Variants in DNAJC2 observed in about 807,000 individuals in gnomAD.
DNAJC2 encodes the protein dnaJ homolog subfamily C member 2.
Under a neutral mutation model 94.0 loss-of-function variants are expected in DNAJC2, and 32 were observed. That is an observed-to-expected ratio of 0.34 (90% CI 0.26 to 0.46). The LOEUF (loss-of-function observed/expected upper bound fraction) is 0.46, where lower values mean the gene tolerates loss of function less well. DNAJC2 is among the 20% of genes least tolerant of loss of function. The pLI, the probability that DNAJC2 is intolerant of heterozygous loss-of-function variation, is 1.00. For missense variants in DNAJC2, 550 were observed against 719.5 expected (o/e 0.76, Z 2.69); for synonymous variants, 210 against 229.7 (o/e 0.91, Z 0.77).
chr7:103,339,946 C>T (rs1392126176), intron 2 of DNAJC2, among the ~76,000 whole-genome samples: 2 of 152,186 alleles, frequency 1.3e-5, no homozygotes, highest in Non-Finnish European at 1.5e-5. Context: ...TGAAGTGATT[C>T]TCCTGCCTCA....
chr7:103,317,203 T>G (rs1227156902), intron 12 of DNAJC2, 189 bp from the exon 13 acceptor site: 1 of 563,012 alleles, frequency 1.8e-6, no homozygotes, highest in African/African-American at 1.9e-5. Flanking sequence ...TAGGTCTGCC[T>G]GAGGGACCAA....
chr7:103,324,733 A>G, intron 5 of DNAJC2, 171 bp from the exon 6 acceptor site: 2 of 566,444 alleles, frequency 3.5e-6, no homozygotes, highest in Non-Finnish European at 5.4e-6. Flanking sequence ...GGGGCATGAA[A>G]CAATGCAGGT....
chr7:103,313,316 CTT>C, intron 15 of DNAJC2: 6 of 1,301,724 alleles, frequency 4.6e-6, no homozygotes, highest in Non-Finnish European at 5.8e-6. Context: ...ATCTCAAAGG[CTT>C]TTAAAACACA....
intron 3 of DNAJC2, among the ~76,000 whole-genome samples, chr7:103,330,676 T>A (rs1318695563): frequency 6.7e-6 from 1 of 149,436 alleles, no homozygotes; most frequent in Non-Finnish European, 1.5e-5. Context: ...GGTCTCGAAC[T>A]CCTGACCTCG....
chr7:103,344,431 C>G, intron 1 of DNAJC2, 128 bp downstream of exon 1: 1 of 1,030,610 alleles, frequency 9.7e-7, no homozygotes, highest in Non-Finnish European at 1.5e-6. Context: ...AGGCACTCGT[C>G]ACGGCCCCAT....
chr7:103,339,908 G>A (rs182292024), intron 2 of DNAJC2, among the ~76,000 whole-genome samples: 11 of 152,144 alleles, frequency 7.2e-5, no homozygotes, highest in Admixed American at 3.9e-4. Context: ...GTATGATCTC[G>A]GCTCACAGCA....
At position 103,323,482 on chromosome 7, in the gene DNAJC2, A is replaced by T. The variant is rs1818532507; in HGVS notation, c.719+116T>A. 18 of 1,100,872 alleles carry T rather than the reference A, an allele frequency of 1.6e-5. 1 individual carries two copies. Among genetic ancestry groups the T allele is most frequent in the Non-Finnish European group, 1.7e-5 (14 of 814,240 alleles). 68.2% of individuals were successfully genotyped at this position (1,100,872 alleles called of 1,614,324 possible). A position where few individuals can be genotyped will look rare whatever the true frequency, so the allele number is the denominator to read the frequency against. The stretch of plus-strand genomic sequence containing the variant: ...ATTTCAAAATATTAAAAAATTGTTT[A>T]AAAAAGATGTACAAAGAGAAAATAT... On this transcript the variant is annotated intron_variant, in intron 7 of 16. Coordinates refer to ENST00000379263, the MANE Select transcript of DNAJC2 (RefSeq NM_014377.3).
At chr7:103,330,127 A>G (rs1248798041) in intron 3 of DNAJC2, among the ~76,000 whole-genome samples, 1 of 152,200 alleles carries the variant, frequency 6.6e-6, no homozygotes, top group Non-Finnish European at 1.5e-5. Context: ...ACTGTATTCT[A>G]TGTGCTTTCA....
chr7:103,334,598 GA>G (rs943204804), intron 3 of DNAJC2, among the ~76,000 whole-genome samples: 2 of 148,562 alleles, frequency 1.3e-5, no homozygotes, highest in African/African-American at 5.0e-5. Flanking sequence ...AAGAAATCTT[GA>G]AAAAAAATTT....
Position 103,331,316 on chromosome 7 carries a change from T to C in DNAJC2, c.332-3562A>G, listed in dbSNP as rs114331549. ...CCACGTAATGATCAAGTCAGGGTATTTGGGTATCTATCAACTTGAGTGTTT... is the reference window on the plus strand; with the variant it reads ...CCACGTAATGATCAAGTCAGGGTATCTGGGTATCTATCAACTTGAGTGTTT... On this transcript the variant is annotated intron_variant, in intron 3 of 16. Coordinates refer to ENST00000379263, the MANE Select transcript of DNAJC2 (RefSeq NM_014377.3). 7.5e-3 allele frequency among the ~76,000 whole-genome samples: 1,145 copies of C among 152,340 alleles called. 20 individuals are homozygous for C. Among genetic ancestry groups the C allele is most frequent in the African/African-American group, 0.027 (1,107 of 41,562 alleles).
intron 10 of DNAJC2, 142 bp downstream of exon 10, chr7:103,321,790 G>T: frequency 1.1e-6 from 1 of 873,970 alleles, no homozygotes. Context: ...GGAAATTGCG[G>T]TGAACTGAGA....
chr7:103,344,554 C>T lies in DNAJC2; in HGVS notation c.64+5G>A. 6.2e-7 allele frequency: 1 copy of T among 1,613,774 alleles called. No individual in the cohort carries two copies. Among genetic ancestry groups the T allele is most frequent in the Non-Finnish European group, 8.5e-7 (1 of 1,179,978 alleles). On this transcript the variant is annotated splice_donor_5th_base_variant and intron_variant, in intron 1 of 16. Coordinates refer to ENST00000379263, the MANE Select transcript of DNAJC2 (RefSeq NM_014377.3). ...AGAAGGAACCGAGGTTGGGTGGGCA[C>T]TTACCAGAGGTCAGAGCGTGGGTGA...
intron 2 of DNAJC2, among the ~76,000 whole-genome samples, chr7:103,341,246 CT>C (rs1409624801): frequency 6.6e-6 from 1 of 152,176 alleles, no homozygotes; most frequent in African/African-American, 2.4e-5. Context: ...AAGGGAATTA[CT>C]TTTCTAAAAT....
chr7:103,328,838 T>C, intron 3 of DNAJC2: 1 of 320,584 alleles, frequency 3.1e-6, no homozygotes, highest in South Asian at 2.9e-5. Flanking sequence ...TGGACATTTG[T>C]GCCATTTCCA....
rs777286261 is a variant in DNAJC2 at position 103,316,926 on chromosome 7, G to C, written c.1331C>G (p.Thr444Ser). 3 of 1,613,878 alleles carry C rather than the reference G, an allele frequency of 1.9e-6. No individual in the cohort carries two copies. The highest frequency in any genetic ancestry group is 1.7e-6 in the Non-Finnish European group (2 of 1,179,906). ...RQASKNTEKS[T>S]GGGGNGSKNW... ...TTTACTTCCATTTCCACCTCCACCA[G>C]TTGATTTCTCTGTGTTCTTAGATGC... The change falls in exon 13 of 17, where the codon ACT becomes AGT. Residue 444 changes from threonine to serine, a missense_variant. Coordinates refer to ENST00000379263, the MANE Select transcript of DNAJC2 (RefSeq NM_014377.3).
rs1293955511 is a variant in DNAJC2, at chr7:103,326,566, G to A, written c.549C>T (p.Thr183=). ...EAKDNFFEVF[T]PVFERNSRWS... ...ACCTGGAATTCCTTTCAAACACTGG[G>A]GTAAACACTTCGAAGAAATTATCCT... Residue 183 remains threonine, a synonymous_variant, in exon 5 of 17, where the codon ACC becomes ACT. Coordinates refer to ENST00000379263, the MANE Select transcript of DNAJC2 (RefSeq NM_014377.3). 2.3e-5 allele frequency: 37 copies of A among 1,613,548 alleles called. No homozygotes were observed. The highest frequency in any genetic ancestry group is 3.1e-5 in the Non-Finnish European group (36 of 1,179,880).
intron 1 of DNAJC2, 122 bp from the exon 2 acceptor site, chr7:103,342,076 A>G: frequency 1.6e-6 from 1 of 639,864 alleles, no homozygotes; most frequent in Admixed American, 3.8e-5. Flanking sequence ...TTTTAAAACC[A>G]CCGACTACGA....
intron 3 of DNAJC2, among the ~76,000 whole-genome samples, chr7:103,331,008 G>A (rs527985052): frequency 2.3e-4 from 35 of 152,052 alleles, no homozygotes; most frequent in Non-Finnish European, 4.4e-4. Context: ...GGCCAGGCTG[G>A]CATGCAATGG....
intron 1 of DNAJC2, among the ~76,000 whole-genome samples, chr7:103,344,037 C>T (rs1819496830): frequency 6.6e-6 from 1 of 152,224 alleles, no homozygotes; most frequent in South Asian, 2.1e-4. Context: ...TAATAACTGC[C>T]TTTCAAAGTC....
Sources: gnomAD v4.1 joint callset for allele counts (sites outside exome capture counted in the v4.1 genomes callset) on GRCh38, gnomAD v4.1.1 for gene constraint, MANE v1.5 for transcripts, NCBI Gene and HGNC (gene_info 2026-07-23, HGNC 2026-07-21) for gene names.